HCN1: variants seen among roughly 807,000 people sequenced by gnomAD.
HCN1 encodes potassium/sodium hyperpolarization-activated cyclic nucleotide-gated channel 1.
In HCN1, 13 loss-of-function variants were observed where a neutral mutation model predicts 78.9. The ratio of observed to expected loss-of-function variants is 0.16; its 90% CI spans 0.11 to 0.26. HCN1 has a LOEUF of 0.26. HCN1 is among the 10% of genes least tolerant of loss of function. The pLI is 1.00. For missense variants in HCN1, 810 were observed against 1,154.3 expected, an observed-to-expected ratio of 0.70 and a Z score of 4.32; for synonymous variants, 552 against 455.5, an observed-to-expected ratio of 1.21 and a Z score of -2.70.
intron 2 of HCN1, among the ~76,000 whole-genome samples, chr5:45,582,164 T>A (rs1350736653): frequency 6.6e-6 from 1 of 152,186 alleles, no homozygotes; most frequent in African/African-American, 2.4e-5. Context: ...CATGGAATGT[T>A]CTTCCATTTG....
Position 45,502,459 on chromosome 5 carries a change from T to C in HCN1, c.850-40452A>G, listed in dbSNP as rs910184140. ...AATCAAGAAATACGAATTCCAACTA[T>C]TGGGATCCACTATTATTTCATGATT... On this transcript the variant is annotated intron_variant, in intron 2 of 7. Transcript: ENST00000303230. Among the ~76,000 whole-genome samples the C allele has an allele frequency of 1.3e-5, 2 of 152,184 alleles. 1 individual carries two copies. Among genetic ancestry groups the C allele is most frequent in the South Asian group, 4.1e-4 (2 of 4,836 alleles).
At chr5:45,448,852 G>T (rs756051956) in intron 3 of HCN1, among the ~76,000 whole-genome samples, 1 of 152,164 alleles carries the variant, frequency 6.6e-6, no homozygotes, top group Non-Finnish European at 1.5e-5. Flanking sequence ...GGTGGCTCAC[G>T]CCTGTAATCC....
intron 2 of HCN1, among the ~76,000 whole-genome samples, chr5:45,586,298 C>T (rs185780845): frequency 1.3e-5 from 2 of 152,238 alleles, no homozygotes; most frequent in African/African-American, 4.8e-5. Flanking sequence ...GTGAGTGAGG[C>T]TCTGTGGTGT....
intron 3 of HCN1, among the ~76,000 whole-genome samples, chr5:45,424,660 C>CT (rs1001676009): frequency 6.6e-6 from 1 of 152,034 alleles, no homozygotes; most frequent in African/African-American, 2.4e-5. Context: ...TTAAAAATAA[C>CT]TTTAGCACTT....
At chr5:45,317,959 T>C (rs1746032796) in intron 5 of HCN1, among the ~76,000 whole-genome samples, 1 of 152,124 alleles carries the variant, frequency 6.6e-6, no homozygotes, top group African/African-American at 2.4e-5. Context: ...ACTTTTACAC[T>C]GTTGGTGGGA....
chr5:45,576,721 A>G (rs529708274), intron 2 of HCN1: 19 of 152,254 alleles, frequency 1.2e-4, no homozygotes, highest in Non-Finnish European at 2.2e-4. Context: ...TAGTGTAAAC[A>G]TAACATTTAT....
At chr5:45,616,266 T>C (rs1471063505) in intron 2 of HCN1, among the ~76,000 whole-genome samples, 2 of 151,870 alleles carry the variant, frequency 1.3e-5, no homozygotes, top group African/African-American at 4.8e-5. Flanking sequence ...TTATAATCTA[T>C]GAGATCACCC....
At chr5:45,365,659 A>T (rs1747220443) in intron 4 of HCN1, among the ~76,000 whole-genome samples, 1 of 151,962 alleles carries the variant, frequency 6.6e-6, no homozygotes, top group Admixed American at 6.6e-5. Context: ...ATATGAGTGC[A>T]GGTGTCTTTT....
At chr5:45,486,138 T>C (rs553350787) in intron 2 of HCN1, among the ~76,000 whole-genome samples, 2 of 152,272 alleles carry the variant, frequency 1.3e-5, no homozygotes, top group African/African-American at 4.8e-5. Flanking sequence ...CACAAAATAT[T>C]TTCTCTATTT....
Position 45,256,492 on chromosome 5 carries a change from T to G in HCN1, c.*5429A>C, listed in dbSNP as rs866472760. ...GCCACTCTTTGGAGCGTGTGTGATA[T>G]CTCCAATAGAAATTAAAGAACTGGC... On this transcript the variant is annotated 3_prime_UTR_variant, in exon 8 of 8. Transcript: ENST00000303230. 3 of 152,096 alleles carry G rather than the reference T, an allele frequency of 2.0e-5. No homozygotes were observed. The highest frequency in any genetic ancestry group is 4.4e-5 in the Non-Finnish European group (3 of 68,024). 9.4% of individuals were successfully genotyped at this position (152,096 alleles called of 1,614,324 possible). A position where few individuals can be genotyped will look rare whatever the true frequency, so the allele number is the denominator to read the frequency against.
At chr5:45,632,896 G>T (rs1462909466) in intron 2 of HCN1, among the ~76,000 whole-genome samples, 2 of 152,052 alleles carry the variant, frequency 1.3e-5, no homozygotes, top group East Asian at 3.9e-4. Flanking sequence ...GAAGCATTTT[G>T]AATAAGGTAA....
Position 45,472,294 on chromosome 5 carries a change from C to T in HCN1, c.850-10287G>A, listed in dbSNP as rs1226099019. 2.6e-5 allele frequency among the ~76,000 whole-genome samples: 4 copies of T among 151,870 alleles called. No individual in the cohort carries two copies. The East Asian group carries it at 5.8e-4, about 22-fold the overall frequency. ...CTTCCTCAGGAAAGACTTTTTTGGC[C>T]TCTCCAAGGAGAAAATTAAGCGCTT... is the stretch of plus-strand genomic sequence containing the variant. On this transcript the variant is annotated intron_variant, in intron 2 of 7. Coordinates refer to ENST00000303230, the MANE Select transcript of HCN1 (RefSeq NM_021072.4).
chr5:45,609,481 T>C (rs1447279722), intron 2 of HCN1, among the ~76,000 whole-genome samples: 1 of 152,112 alleles, frequency 6.6e-6, no homozygotes, highest in Non-Finnish European at 1.5e-5. Context: ...ATGGTTGCTG[T>C]CTCACAATAG....
At chr5:45,491,282 C>T (rs970043471) in intron 2 of HCN1, among the ~76,000 whole-genome samples, 10 of 152,076 alleles carry the variant, frequency 6.6e-5, no homozygotes, top group Non-Finnish European at 1.2e-4. Flanking sequence ...GTAAGTCTTA[C>T]GTCAAGCTTT....
intron 2 of HCN1, among the ~76,000 whole-genome samples, chr5:45,592,479 T>C (rs2111946185): frequency 6.6e-6 from 1 of 152,312 alleles, no homozygotes; most frequent in African/African-American, 2.4e-5. Flanking sequence ...ACTAATTAGC[T>C]ATTGATTTTC....
intron 3 of HCN1, among the ~76,000 whole-genome samples, chr5:45,460,077 C>T (rs1401435494): frequency 6.6e-6 from 1 of 152,016 alleles, no homozygotes; most frequent in Non-Finnish European, 1.5e-5. Flanking sequence ...GTGACTAAGT[C>T]ACAACAAATT....
chr5:45,442,761 A>T (rs1488913902), intron 3 of HCN1, among the ~76,000 whole-genome samples: 1 of 152,068 alleles, frequency 6.6e-6, no homozygotes, highest in Non-Finnish European at 1.5e-5. Flanking sequence ...TTACCAATTC[A>T]CCAAAGTCAT....
At chr5:45,570,830 A>G (rs1743812359) in intron 2 of HCN1, among the ~76,000 whole-genome samples, 1 of 152,138 alleles carries the variant, frequency 6.6e-6, no homozygotes. Flanking sequence ...ACACAAATAT[A>G]CAAAGAAATT....
chr5:45,625,435 C>T (rs571338857), intron 2 of HCN1, among the ~76,000 whole-genome samples: 59 of 152,204 alleles, frequency 3.9e-4, no homozygotes, highest in African/African-American at 1.3e-3. Context: ...CCAGGCTTGC[C>T]TCATTGTCCA....
Sources: gnomAD v4.1 joint callset for allele counts (sites outside exome capture counted in the v4.1 genomes callset) on GRCh38, gnomAD v4.1.1 for gene constraint, MANE v1.5 for transcripts, NCBI Gene and HGNC (gene_info 2026-07-23, HGNC 2026-07-21) for gene names.